STAU2: variants seen among roughly 807,000 people sequenced by gnomAD.
STAU2 encodes double-stranded RNA-binding protein Staufen homolog 2.
A neutral mutation model predicts 65.9 loss-of-function variants in STAU2; 20 were observed. That is an observed-to-expected ratio of 0.30 (90% CI 0.21 to 0.44). STAU2 has a LOEUF of 0.44. STAU2 is among the 20% of genes least tolerant of loss of function. The probability of loss-of-function intolerance (pLI) is 1.00; values close to 1 mark genes in which losing one functional copy is unlikely to be tolerated. For missense variants in STAU2, 558 were observed against 683.9 expected, an observed-to-expected ratio of 0.82 and a Z score of 2.05; for synonymous variants, 232 against 233.9, an observed-to-expected ratio of 0.99 and a Z score of 0.07.
chr8:73,698,542 T>G (rs546772671), intron 4 of STAU2, among the ~76,000 whole-genome samples: 1 of 151,936 alleles, frequency 6.6e-6, no homozygotes. Context: ...AGACAAAAAC[T>G]GTAAGGAGAG....
chr8:73,422,813 T>C, intron 13 of STAU2, 111 bp from the exon 14 acceptor site: 1 of 740,658 alleles, frequency 1.4e-6, no homozygotes. Flanking sequence ...TACATAATTT[T>C]TTTTTGCATT....
At chr8:73,692,571 A>G (rs1819405412) in intron 4 of STAU2, among the ~76,000 whole-genome samples, 2 of 152,324 alleles carry the variant, frequency 1.3e-5, no homozygotes, top group Non-Finnish European at 2.9e-5. Context: ...AAATATAAGT[A>G]TGTGTTCCCC....
In STAU2 at chr8:73,527,288, G is replaced by T. The variant is rs372133477; in HGVS notation, c.1530+24724C>A. On this transcript the variant is annotated intron_variant, in intron 13 of 14. Coordinates refer to ENST00000524300, the MANE Select transcript of STAU2 (RefSeq NM_001164380.2). ...TCACAACATATCCTTGTCATTAAGT[G>T]ACGCATCACTGTACATTCTATAATA... The T allele has an allele frequency of 2.5e-4, 40 of 159,574 alleles. No homozygotes were observed. In the East Asian group the frequency reaches 5.9e-3, roughly 23 times the overall value. The allele number at this position is 159,574 out of a possible 1,614,324, so 9.9% of individuals were successfully genotyped here.
At chr8:73,709,898 T>C (rs1820772443) in intron 3 of STAU2, among the ~76,000 whole-genome samples, 1 of 152,126 alleles carries the variant, frequency 6.6e-6, no homozygotes, top group African/African-American at 2.4e-5. Context: ...AGCATTATAA[T>C]AAACATTCTC....
intron 4 of STAU2, among the ~76,000 whole-genome samples, chr8:73,692,666 G>A (rs1029682028): frequency 1.1e-4 from 16 of 152,192 alleles, no homozygotes; most frequent in South Asian, 4.1e-4. Flanking sequence ...TTGGTCACAA[G>A]TTTAGAAGAC....
intron 3 of STAU2, among the ~76,000 whole-genome samples, chr8:73,713,780 T>C (rs1158853686): frequency 2.6e-5 from 4 of 152,184 alleles, no homozygotes; most frequent in Non-Finnish European, 5.9e-5. Context: ...GTAGCATTTT[T>C]TAAAGTAGCT....
At chr8:73,718,334 A>T (rs1056023139) in intron 3 of STAU2, among the ~76,000 whole-genome samples, 18 of 152,232 alleles carry the variant, frequency 1.2e-4, no homozygotes, top group African/African-American at 4.3e-4. Flanking sequence ...ACTTAGAAAC[A>T]CTATATGGCA....
intron 13 of STAU2, among the ~76,000 whole-genome samples, chr8:73,451,361 G>A (rs1380919079): frequency 6.6e-6 from 1 of 152,112 alleles, no homozygotes; most frequent in Admixed American, 6.5e-5. Flanking sequence ...GACTGGACAA[G>A]ATGACATAAA....
At chr8:73,647,734 A>G (rs1371921523) in intron 6 of STAU2, among the ~76,000 whole-genome samples, 2 of 151,974 alleles carry the variant, frequency 1.3e-5, no homozygotes, top group Non-Finnish European at 2.9e-5. Context: ...ATGTACCACC[A>G]TGTCTGGCTA....
intron 4 of STAU2, among the ~76,000 whole-genome samples, chr8:73,691,968 C>T (rs1043700356): frequency 2.6e-5 from 4 of 152,162 alleles, no homozygotes; most frequent in African/African-American, 4.8e-5. Flanking sequence ...TGGTTAGAAA[C>T]TTCATTTTTA....
At chr8:73,735,801 T>C (rs1806393385) in intron 3 of STAU2, among the ~76,000 whole-genome samples, 1 of 152,214 alleles carries the variant, frequency 6.6e-6, no homozygotes, top group Admixed American at 6.5e-5. Flanking sequence ...ACCTGCAACA[T>C]AGCCAGTCAG....
chr8:73,573,820 A>G (rs1203635999), intron 12 of STAU2, among the ~76,000 whole-genome samples: 1 of 152,224 alleles, frequency 6.6e-6, no homozygotes, highest in African/African-American at 2.4e-5. Flanking sequence ...AACCTAGGCA[A>G]TACCATTCAG....
At chr8:73,725,490 A>C (rs996173297) in intron 3 of STAU2, among the ~76,000 whole-genome samples, 1 of 152,192 alleles carries the variant, frequency 6.6e-6, no homozygotes, top group African/African-American at 2.4e-5. Context: ...GTTTTAGTCA[A>C]TTATCTTTTT....
chr8:73,631,015 T>C (rs918759537), intron 6 of STAU2, among the ~76,000 whole-genome samples: 1 of 152,138 alleles, frequency 6.6e-6, no homozygotes, highest in Non-Finnish European at 1.5e-5. Context: ...GAACATCACT[T>C]CATGCCTGTC....
intron 13 of STAU2, among the ~76,000 whole-genome samples, chr8:73,471,843 A>AAGG (rs1820048981): frequency 6.8e-6 from 1 of 147,970 alleles, no homozygotes; most frequent in African/African-American, 2.6e-5. Flanking sequence ...AAAAAGAGAG[A>AAGG]AGAAGGAGAA....
intron 3 of STAU2, among the ~76,000 whole-genome samples, chr8:73,717,220 T>C (rs1319561513): frequency 6.6e-6 from 1 of 152,226 alleles, no homozygotes; most frequent in Non-Finnish European, 1.5e-5. Flanking sequence ...AAAATTTTTT[T>C]CCCAAACTGT....
intron 13 of STAU2, among the ~76,000 whole-genome samples, chr8:73,489,114 C>T (rs1323512223): frequency 6.6e-6 from 1 of 151,174 alleles, no homozygotes; most frequent in Non-Finnish European, 1.5e-5. Context: ...TTTTTAAAAA[C>T]GAACAACAAT....
chr8:73,608,713 C>T (rs917093147), intron 9 of STAU2, among the ~76,000 whole-genome samples: 5 of 151,876 alleles, frequency 3.3e-5, no homozygotes, highest in African/African-American at 1.2e-4. Context: ...AGTTAAACGT[C>T]GGGCGCAGTG....
intron 11 of STAU2, among the ~76,000 whole-genome samples, chr8:73,588,984 A>G (rs1810577500): frequency 6.6e-6 from 1 of 152,188 alleles, no homozygotes; most frequent in African/African-American, 2.4e-5. Context: ...AATAAATAGC[A>G]GCAGTCTACT....
Sources: allele counts gnomAD v4.1 joint callset (sites outside exome capture counted in the v4.1 genomes callset), GRCh38; gene constraint gnomAD v4.1.1; transcripts MANE v1.5; gene names NCBI Gene and HGNC (gene_info 2026-07-23, HGNC 2026-07-21).